Variants in CCDC149 observed in about 807,000 individuals in gnomAD.
CCDC149 encodes the protein coiled-coil domain containing 149.
A neutral mutation model predicts 59.9 loss-of-function variants in CCDC149; 45 were observed. The ratio of observed to expected loss-of-function variants is 0.75; its 90% confidence interval spans 0.59 to 0.96. The LOEUF (loss-of-function observed/expected upper bound fraction) is 0.96. Ranked by LOEUF, CCDC149 falls within the 40% of genes least tolerant of loss-of-function variation. CCDC149 has a pLI of 0.00. For synonymous variants in CCDC149, 245 were observed against 260.6 expected (o/e 0.94, Z 0.58); for missense variants, 584 against 664.7 (o/e 0.88, Z 1.33).
At chr4:24,936,076 C>T (rs1220983178) in intron 1 of CCDC149, among the ~76,000 whole-genome samples, 1 of 152,098 alleles carries the variant, frequency 6.6e-6, no homozygotes, top group Non-Finnish European at 1.5e-5. Flanking sequence ...ATGAGAAGTG[C>T]TCATTGGTTC....
intron 4 of CCDC149, among the ~76,000 whole-genome samples, chr4:24,848,332 A>C (rs1004982216): frequency 6.6e-6 from 1 of 152,158 alleles, no homozygotes; most frequent in Non-Finnish European, 1.5e-5. Flanking sequence ...GCACTTTGGG[A>C]TGCCGAGGTG....
At chr4:24,817,468 C>T (rs974722521) in intron 12 of CCDC149, among the ~76,000 whole-genome samples, 2 of 152,086 alleles carry the variant, frequency 1.3e-5, no homozygotes, top group African/African-American at 4.8e-5. Context: ...TATGTCCTGG[C>T]TTCTACCACT....
At chr4:24,854,961 C>A (rs745582233) in intron 3 of CCDC149, among the ~76,000 whole-genome samples, 1 of 152,208 alleles carries the variant, frequency 6.6e-6, no homozygotes, top group Non-Finnish European at 1.5e-5. Context: ...AATACTGAAA[C>A]CTTCCCCGGT....
At position 24,947,912 on chromosome 4, in the gene CCDC149, A is replaced by T. The variant is rs568192911; in HGVS notation, c.-65+32157T>A. On this transcript the variant is annotated intron_variant, in intron 1 of 12. Coordinates refer to the CCDC149 transcript ENST00000389609. ...TGGCCAAATAATTTCACTGGAGAGG[A>T]TTTTATATAGCTACAGCTAAAATTC... Among the ~76,000 whole-genome samples the T allele has an allele frequency of 1.1e-4, 16 of 152,054 alleles. No individual in the cohort carries two copies. In the South Asian group the frequency reaches 1.9e-3, roughly 18 times the overall value.
chr4:24,968,022 A>T (rs978311845), intron 1 of CCDC149, among the ~76,000 whole-genome samples: 6 of 152,204 alleles, frequency 3.9e-5, no homozygotes, highest in Admixed American at 6.5e-5. Flanking sequence ...AAACCACTGT[A>T]TTGGTTAACA....
At chr4:24,847,927 G>C (rs907460743) in intron 4 of CCDC149, among the ~76,000 whole-genome samples, 2 of 152,186 alleles carry the variant, frequency 1.3e-5, no homozygotes, top group African/African-American at 4.8e-5. Flanking sequence ...AATGTTACAA[G>C]TCAGGCTTCT....
intron 1 of CCDC149, among the ~76,000 whole-genome samples, chr4:24,974,873 G>C (rs61791868): frequency 0.29 from 43,237 of 151,564 alleles, 6,410 homozygotes; most frequent in East Asian, 0.51. Flanking sequence ...AGTGAAAGAG[G>C]GGTTGAAAGG....
intron 1 of CCDC149, among the ~76,000 whole-genome samples, chr4:24,892,165 G>A (rs1414393625): frequency 6.6e-6 from 1 of 152,204 alleles, no homozygotes; most frequent in Non-Finnish European, 1.5e-5. Flanking sequence ...ATACTCCCAA[G>A]TAAGACCCGG....
chr4:24,910,137 C>G (rs1721787670), intron 1 of CCDC149, among the ~76,000 whole-genome samples: 1 of 152,184 alleles, frequency 6.6e-6, no homozygotes, highest in African/African-American at 2.4e-5. Context: ...CTTCCAGCTT[C>G]TGGGAGCTGC....
chr4:24,864,648 C>G (rs1329359722), intron 3 of CCDC149, among the ~76,000 whole-genome samples: 2 of 152,248 alleles, frequency 1.3e-5, no homozygotes, highest in African/African-American at 2.4e-5. Flanking sequence ...TAAACTCTTT[C>G]TCTATTGCAA....
At chr4:24,909,701 T>C (rs138576016) in intron 1 of CCDC149, among the ~76,000 whole-genome samples, 90 of 152,350 alleles carry the variant, frequency 5.9e-4, no homozygotes, top group African/African-American at 2.0e-3. Context: ...TCCTCCATAA[T>C]GTTCTCGTGA....
At chr4:24,860,621 G>A (rs2109205214) in intron 3 of CCDC149, among the ~76,000 whole-genome samples, 1 of 152,308 alleles carries the variant, frequency 6.6e-6, no homozygotes, top group Middle Eastern at 3.4e-3. Flanking sequence ...AAAAGCTTCT[G>A]CAGAGCAAAA....
At chr4:24,966,493 A>G (rs1007226323) in intron 1 of CCDC149, among the ~76,000 whole-genome samples, 1 of 152,022 alleles carries the variant, frequency 6.6e-6, no homozygotes, top group African/African-American at 2.4e-5. Context: ...GGCAAGCAGA[A>G]GTCTGTCAGT....
intron 1 of CCDC149, among the ~76,000 whole-genome samples, chr4:24,927,887 C>T (rs1055185457): frequency 2.7e-5 from 4 of 149,112 alleles, no homozygotes; most frequent in African/African-American, 9.8e-5. Context: ...CGTACCTATA[C>T]CTGTGCACAT....
chr4:24,813,489 A>AATATATCTATATCTATATATCTATATAT, intron 12 of CCDC149, among the ~76,000 whole-genome samples: 1 of 113,724 alleles, frequency 8.8e-6, no homozygotes, highest in African/African-American at 4.0e-5. Flanking sequence ...CAGCTTGGGG[A>AATATATCTATATCTATATATCTATATAT]ATATATATAT....
intron 1 of CCDC149, among the ~76,000 whole-genome samples, chr4:24,911,667 T>A (rs1721878043): frequency 6.6e-6 from 1 of 152,180 alleles, no homozygotes; most frequent in Admixed American, 6.5e-5. Flanking sequence ...AGCTTTCAAC[T>A]ACTAGACCAA....
At chr4:24,899,565 CA>C (rs1389098352) in intron 1 of CCDC149, among the ~76,000 whole-genome samples, 1 of 152,152 alleles carries the variant, frequency 6.6e-6, no homozygotes, top group Non-Finnish European at 1.5e-5. Context: ...AGAGCATTAT[CA>C]GGGGCAGTGA....
At chr4:24,904,611 C>T (rs1390680576) in intron 1 of CCDC149, among the ~76,000 whole-genome samples, 2 of 152,166 alleles carry the variant, frequency 1.3e-5, no homozygotes, top group Admixed American at 6.5e-5. Flanking sequence ...AAACTGCAAA[C>T]CTTTTCAGAA....
At chr4:24,918,740 G>T (rs992996885) in intron 1 of CCDC149, among the ~76,000 whole-genome samples, 1 of 152,204 alleles carries the variant, frequency 6.6e-6, no homozygotes, top group Non-Finnish European at 1.5e-5. Context: ...AGTTGCTGGG[G>T]CTCCCTTGGT....
Sources: allele counts gnomAD v4.1 joint callset (sites outside exome capture counted in the v4.1 genomes callset), GRCh38; gene constraint gnomAD v4.1.1; transcripts MANE v1.5; gene names NCBI Gene and HGNC (gene_info 2026-07-23, HGNC 2026-07-21).